The following PALM variants were observed in gnomAD, a reference collection of about 807,000 sequenced individuals.
The protein encoded by PALM is paralemmin-1.
PALM carries 18 observed loss-of-function variants against 30.7 expected under a neutral mutation model. The ratio of observed to expected loss-of-function variants is 0.59; its 90% confidence interval spans 0.41 to 0.87. PALM has a LOEUF of 0.87. Ranked by LOEUF, PALM falls within the 40% of genes least tolerant of loss-of-function variation. The pLI is 0.00. For missense variants in PALM, 529 were observed against 555.4 expected (o/e 0.95, Z 0.48); for synonymous variants, 286 against 242.8 (o/e 1.18, Z -1.66).
intron 6 of PALM, chr19:734,919 C>G: frequency 3.6e-6 from 1 of 276,268 alleles, no homozygotes; most frequent in Non-Finnish European, 5.5e-6. Context: ...TGAAGTGCTT[C>G]TGGCCTGGTT....
At position 726,150 on chromosome 19, in the gene PALM, A is replaced by G; in HGVS notation, c.18A>G (p.Ala6=). 1.2e-6 allele frequency: 2 copies of G among 1,613,092 alleles called. No homozygotes were observed. Among genetic ancestry groups the G allele is most frequent in the African/African-American group, 2.7e-5 (2 of 75,060 alleles). Reference sequence around the variant, plus strand: ...CTCCCTCCCGCAGGGTCCTGGCGGCAGAGACCACGTCCCAGCAGGAGCGGC... The same window carrying G: ...CTCCCTCCCGCAGGGTCCTGGCGGCGGAGACCACGTCCCAGCAGGAGCGGC... MEVLA[A]ETTSQQERLQ... Residue 6 remains alanine (A), a synonymous_variant, in exon 2 of 9, where the codon GCA becomes GCG. Transcript: ENST00000338448.
In PALM at chr19:746,817, C is replaced by T. The variant is rs765436983; in HGVS notation, c.*3C>T. On this transcript the variant is annotated 3_prime_UTR_variant, in exon 9 of 9. Transcript: ENST00000338448. The surrounding 1 kb of genome is among the most constrained non-coding windows in gnomAD (Gnocchi z 7.1). ...GTAAATGCTGCTCCATCATGTGAGC[C>T]GGCCCCCGAGACCCCGGCCCCCACC... The T allele has an allele frequency of 2.4e-5, 37 of 1,511,382 alleles. No homozygotes were observed. The highest frequency in any genetic ancestry group is 3.0e-5 in the Non-Finnish European group (34 of 1,132,214). 93.6% of individuals were successfully genotyped at this position (1,511,382 alleles called of 1,614,324 possible).
rs1406593032 is a variant in PALM at position 746,135 on chromosome 19, G to C, written c.635-150G>C. 4.8e-6 allele frequency: 3 copies of C among 628,018 alleles called. No individual in the cohort carries two copies. The Admixed American group carries it at 8.8e-5, about 18-fold the overall frequency. 38.9% of individuals were successfully genotyped at this position (628,018 alleles called of 1,614,324 possible). A position where few individuals can be genotyped will look rare whatever the true frequency, so the allele number is the denominator to read the frequency against. On this transcript the variant is annotated intron_variant, in intron 8 of 8. Coordinates refer to ENST00000338448, the MANE Select transcript of PALM (RefSeq NM_002579.3). The surrounding 1 kb of genome is among the most constrained non-coding windows in gnomAD (Gnocchi z 7.1). ...AACAGGGGGCTTTAATTGTCTGTCA[G>C]TTCTGACGGTGTAATCTAGTTCGTG... is the stretch of plus-strand genomic sequence containing the variant.
rs151271215 is a variant in PALM, at chr19:735,105, G to T, written c.442+911G>T. 2,314 of 902,772 alleles carry T rather than the reference G, an allele frequency of 2.6e-3. 14 individuals are homozygous for T. Among genetic ancestry groups the T allele is most frequent in the South Asian group, 7.0e-3 (154 of 22,142 alleles). 55.9% of individuals were successfully genotyped at this position (902,772 alleles called of 1,614,324 possible). ...GGATTTTCTAGGGGTTGCGGTGGGG[G>T]TCCAGGTGCCTGTGTCTGTGCGGGG... On this transcript the variant is annotated intron_variant, in intron 6 of 8. Coordinates refer to ENST00000338448, the MANE Select transcript of PALM (RefSeq NM_002579.3).
chr19:719,231 C>T, intron 1 of PALM: 1 of 985,626 alleles, frequency 1.0e-6, no homozygotes, highest in Non-Finnish European at 1.2e-6. Flanking sequence ...ACAGGGCCCG[C>T]CCTGCTCGCT....
At chr19:718,591 T>C (rs1408641976) in intron 1 of PALM, among the ~76,000 whole-genome samples, 3 of 152,238 alleles carry the variant, frequency 2.0e-5, no homozygotes, top group East Asian at 1.9e-4. Context: ...TCTGCATCTG[T>C]GGCCTGCTTT....
At chr19:735,987 C>G (rs1389534585) in intron 6 of PALM, 32 bp from the exon 7 acceptor site, 1 of 1,592,660 alleles carries the variant, frequency 6.3e-7, no homozygotes, top group Non-Finnish European at 8.6e-7. Flanking sequence ...CTCTGACCCT[C>G]ATCTCTCTCT....
intron 1 of PALM, among the ~76,000 whole-genome samples, chr19:710,416 C>A (rs2032033796): frequency 6.6e-6 from 1 of 152,218 alleles, no homozygotes; most frequent in African/African-American, 2.4e-5. Flanking sequence ...TCCACACCCC[C>A]ACCCCCCAGC....
In PALM at chr19:746,313, G is replaced by A. The variant is rs763309210; in HGVS notation, c.663G>A (p.Glu221=). 6.2e-7 allele frequency: 1 copy of A among 1,613,742 alleles called. No individual in the cohort carries two copies. The change falls in exon 9 of 9, where the codon GAG becomes GAA. Residue 221 remains glutamate (E), a synonymous_variant. Transcript: ENST00000338448. The surrounding 1 kb of genome is among the most constrained non-coding windows in gnomAD (Gnocchi z 7.1). ...KVVHAVDGTA[E]NGIHPLSSSE... ...TCCATGCTGTGGACGGCACCGCCGA[G>A]AACGGGATCCACCCCCTGAGCTCCT...
chr19:720,743 G>T (rs1308100299), intron 1 of PALM, among the ~76,000 whole-genome samples: 3 of 152,150 alleles, frequency 2.0e-5, no homozygotes, highest in Non-Finnish European at 4.4e-5. Context: ...GGCCGGCCGG[G>T]CAGGGACAGG....
At chr19:744,824 G>A (rs1203093366) in intron 8 of PALM, among the ~76,000 whole-genome samples, 1 of 150,022 alleles carries the variant, frequency 6.7e-6, no homozygotes, top group Non-Finnish European at 1.5e-5. Flanking sequence ...AACCTAGGAA[G>A]TGGAGGTTGC....
intron 5 of PALM, 36 bp from the exon 6 acceptor site, chr19:734,137 C>G: frequency 6.2e-7 from 1 of 1,612,408 alleles, no homozygotes; most frequent in Middle Eastern, 1.7e-4. Flanking sequence ...CCCGGGGATG[C>G]TGACGCCCCT....
At position 736,035 on chromosome 19, in the gene PALM, C is replaced by T. The variant is rs772000312; in HGVS notation, c.459C>T (p.Asn153=). 15 of 1,610,650 alleles carry T rather than the reference C, an allele frequency of 9.3e-6. No homozygotes were observed. The highest frequency in any genetic ancestry group is 1.3e-5 in the Non-Finnish European group (15 of 1,178,290). The change falls in exon 7 of 9, where the codon AAC becomes AAT. Residue 153 remains asparagine (N), a synonymous_variant. Transcript: ENST00000338448. ...VGTPKDKRVS[N]TPLRTVDGSP... ...CCCGTGCAGACAAGCGAGTCTCCAA[C>T]ACGCCCCTGAGGACGGTTGACGGCT...
intron 1 of PALM, among the ~76,000 whole-genome samples, chr19:720,193 G>A (rs2032415554): frequency 2.6e-5 from 4 of 151,822 alleles, no homozygotes; most frequent in Admixed American, 6.6e-5. Flanking sequence ...GGCGGGAGAT[G>A]CTGCGCCGGC....
At chr19:739,293 G>A (rs1348989741) in intron 7 of PALM, among the ~76,000 whole-genome samples, 3 of 152,092 alleles carry the variant, frequency 2.0e-5, no homozygotes, top group South Asian at 2.1e-4. Flanking sequence ...TTGGATGGTC[G>A]GGGCGGGGGC....
At chr19:714,358 CTTTTTT>C (rs34617281) in intron 1 of PALM, among the ~76,000 whole-genome samples, 1 of 104,592 alleles carries the variant, frequency 9.6e-6, no homozygotes, top group Non-Finnish European at 1.9e-5. Flanking sequence ...TTTTTTCTTT[CTTTTTT>C]TTTTTTTTTT....
At chr19:725,996 A>G (rs1389633679) in intron 1 of PALM, 142 bp from the exon 2 acceptor site, 1 of 698,916 alleles carries the variant, frequency 1.4e-6, no homozygotes, top group Non-Finnish European at 2.5e-6. Flanking sequence ...GCCCCACTTT[A>G]CAGAAGGGGA....
Position 746,722 on chromosome 19 carries a change from G to A in PALM, c.1072G>A (p.Glu358Lys), listed in dbSNP as rs1568236706. 1 of 1,606,526 alleles carries A rather than the reference G, an allele frequency of 6.2e-7. No homozygotes were observed. Among genetic ancestry groups the A allele is most frequent in the Non-Finnish European group, 8.5e-7 (1 of 1,177,542 alleles). Reference protein sequence around the residue: ...AEPPTEAASREENQAGPEATT... With the variant: ...AEPPTEAASRKENQAGPEATT... The stretch of plus-strand genomic sequence containing the variant: ...GCCTCCCACGGAGGCCGCCTCCAGG[G>A]AAGAGAATCAGGCGGGGCCCGAGGC... Residue 358 changes from glutamate (E) to lysine (K), a missense_variant, in exon 9 of 9, where the codon GAA (glutamate) becomes AAA (lysine). Glu to Lys is a moderately conservative substitution (Grantham distance 56). Transcript: ENST00000338448. The surrounding 1 kb of genome is among the most constrained non-coding windows in gnomAD (Gnocchi z 7.1).
At chr19:721,770 G>A (rs1375007047) in intron 1 of PALM, among the ~76,000 whole-genome samples, 1 of 150,166 alleles carries the variant, frequency 6.7e-6, no homozygotes, top group Non-Finnish European at 1.5e-5. Context: ...GCTAATTTTT[G>A]TATTTTTAGT....
Sources: allele counts gnomAD v4.1 joint callset (sites outside exome capture counted in the v4.1 genomes callset), GRCh38; gene constraint gnomAD v4.1.1; non-coding constraint Gnocchi (gnomAD v3.1); transcripts MANE v1.5; gene names NCBI Gene and HGNC (gene_info 2026-07-23, HGNC 2026-07-21).